ARHGAP22: variants seen among roughly 807,000 people sequenced by gnomAD.
ARHGAP22 encodes the protein rho GTPase-activating protein 22.
A neutral mutation model predicts 59.1 loss-of-function variants in ARHGAP22; 48 were observed. The ratio of observed to expected loss-of-function variants is 0.81; its 90% CI spans 0.64 to 1.03. The LOEUF is 1.03. Ranked by LOEUF, ARHGAP22 falls within the 50% of genes least tolerant of loss-of-function variation. The probability of loss-of-function intolerance (pLI) is 0.00; values close to 1 mark genes in which losing one functional copy is unlikely to be tolerated. For missense variants in ARHGAP22, 1,015 were observed against 958.7 expected, an observed-to-expected ratio of 1.06 and a Z score of -0.78; for synonymous variants, 445 against 416.4, an observed-to-expected ratio of 1.07 and a Z score of -0.84.
intron 3 of ARHGAP22, among the ~76,000 whole-genome samples, chr10:48,513,535 A>T (rs1313837650): frequency 6.6e-6 from 1 of 152,256 alleles, no homozygotes; most frequent in African/African-American, 2.4e-5. Flanking sequence ...AAGACACTTA[A>T]GTATATTTCT....
chr10:48,549,955 G>A (rs1410179431), intron 3 of ARHGAP22, among the ~76,000 whole-genome samples: 1 of 152,176 alleles, frequency 6.6e-6, no homozygotes, highest in African/African-American at 2.4e-5. Flanking sequence ...CTGCCACAGA[G>A]GACAACTTTT....
chr10:48,488,207 G>T (rs1368885865), intron 3 of ARHGAP22, among the ~76,000 whole-genome samples: 1 of 152,092 alleles, frequency 6.6e-6, no homozygotes, highest in Admixed American at 6.5e-5. Context: ...TACGTAATAG[G>T]TTTGATCTCT....
chr10:48,544,283 C>T (rs1258186485), intron 3 of ARHGAP22, among the ~76,000 whole-genome samples: 1 of 152,130 alleles, frequency 6.6e-6, no homozygotes, highest in African/African-American at 2.4e-5. Context: ...AGTTATTGGT[C>T]CAGGTTCTTT....
chr10:48,458,540 G>A (rs993923050), intron 5 of ARHGAP22, among the ~76,000 whole-genome samples: 1 of 152,194 alleles, frequency 6.6e-6, no homozygotes, highest in African/African-American at 2.4e-5. Context: ...GAGTAGGGGA[G>A]TGGCAAGGTC....
downstream of ARHGAP22, among the ~76,000 whole-genome samples, chr10:48,442,677 T>TG (rs1290449240): frequency 1.3e-5 from 2 of 152,156 alleles, no homozygotes; most frequent in Non-Finnish European, 2.9e-5. Flanking sequence ...CTCAGTCCCT[T>TG]GTCTCCTTTT....
intron 9 of ARHGAP22, 38 bp downstream of exon 9, chr10:48,450,223 C>G (rs768559253): frequency 1.3e-6 from 2 of 1,595,210 alleles, no homozygotes; most frequent in African/African-American, 2.7e-5. Context: ...CTGCAGGCTC[C>G]GCCCCGTCAC....
intron 4 of ARHGAP22, among the ~76,000 whole-genome samples, chr10:48,474,209 T>C (rs2048490319): frequency 6.6e-6 from 1 of 152,240 alleles, no homozygotes; most frequent in South Asian, 2.1e-4. Context: ...TTCTTTTGGA[T>C]GCTCCTGTAG....
At position 48,451,048 on chromosome 10, in the gene ARHGAP22, G is replaced by A. The variant is rs567487606; in HGVS notation, c.1081C>T (p.Arg361Cys). 26 of 1,552,506 alleles carry A rather than the reference G, an allele frequency of 1.7e-5. No individual in the cohort carries two copies. In the Admixed American group the frequency reaches 4.1e-4, roughly 24 times the overall value. ...CCCACTGCGCATTGCAGGCCCCCGC[G>A]CGGGGAGGTGGGCCCTTCCGGGACC... ...APVPEGPTSP[R>C]GGLQCAVGWG... Residue 361 changes from arginine to cysteine, a missense_variant, in exon 9 of 10, where the codon CGC becomes TGC. By Grantham distance (180) the Arg-to-Cys change is radical (BLOSUM62 -3). Coordinates refer to ENST00000249601, the MANE Select transcript of ARHGAP22 (RefSeq NM_021226.4).
rs551965474 is a variant in ARHGAP22 at position 48,583,075 on chromosome 10, C to G, written c.112G>C (p.Val38Leu). The G allele has an allele frequency of 1.2e-6, 2 of 1,614,160 alleles. No homozygotes were observed. Among genetic ancestry groups the G allele is most frequent in the Non-Finnish European group, 1.7e-6 (2 of 1,180,066 alleles). ...TTCTTCAGCCAGCCCGCCTTCAGCA[C>G]GGGGCCCAGCCTGTGAGGGCACGGC... ...RMPCPHRLGP[V>L]LKAGWLKKQR... The change falls in exon 2 of 10, where the codon GTG becomes CTG. Residue 38 changes from valine to leucine, a missense_variant. By Grantham distance (32) the Val-to-Leu change is conservative. Coordinates refer to ENST00000249601, the MANE Select transcript of ARHGAP22 (RefSeq NM_021226.4).
chr10:48,584,614 C>T (rs530119209), intron 1 of ARHGAP22, among the ~76,000 whole-genome samples: 4 of 152,336 alleles, frequency 2.6e-5, no homozygotes, highest in African/African-American at 4.8e-5. Context: ...AAGGAACAGA[C>T]GTAAGTCATG....
rs1354095405 is a variant in ARHGAP22, at chr10:48,492,497, A to T, written c.323-12733T>A. Among the ~76,000 whole-genome samples the T allele has an allele frequency of 2.0e-5, 3 of 152,210 alleles. No individual in the cohort carries two copies. In the East Asian group the frequency reaches 5.8e-4, roughly 29 times the overall value. ...AAACTTCAAATGTTTTAGCAGCTAC[A>T]CTCAAAAAGTAAAAAGGAACAGCTG... is the stretch of plus-strand genomic sequence containing the variant. On this transcript the variant is annotated intron_variant, in intron 3 of 9. Coordinates refer to ENST00000249601, the MANE Select transcript of ARHGAP22 (RefSeq NM_021226.4).
chr10:48,472,339 C>A (rs1210313120), intron 4 of ARHGAP22, among the ~76,000 whole-genome samples: 1 of 151,586 alleles, frequency 6.6e-6, no homozygotes, highest in Non-Finnish European at 1.5e-5. Context: ...GCCTGGCCAA[C>A]ATGGTGAAAC....
chr10:48,527,660 C>A (rs992756010), intron 3 of ARHGAP22, among the ~76,000 whole-genome samples: 1 of 152,214 alleles, frequency 6.6e-6, no homozygotes, highest in Non-Finnish European at 1.5e-5. Context: ...TGGGCTGCGA[C>A]TGGCAAAGCA....
intron 3 of ARHGAP22, chr10:48,493,333 C>G: frequency 8.5e-7 from 1 of 1,181,040 alleles, no homozygotes; most frequent in Non-Finnish European, 1.2e-6. Flanking sequence ...TTCTCTTTAC[C>G]TGGTTGCGGC....
chr10:48,452,127 C>T (rs2046031571), intron 8 of ARHGAP22, among the ~76,000 whole-genome samples: 1 of 152,222 alleles, frequency 6.6e-6, no homozygotes, highest in Admixed American at 6.5e-5. Flanking sequence ...ATGCAGCCCC[C>T]AGTCCTGGGG....
intron 8 of ARHGAP22, 53 bp from the exon 9 acceptor site, chr10:48,451,193 C>T (rs1399887791): frequency 6.5e-7 from 1 of 1,548,888 alleles, no homozygotes; most frequent in African/African-American, 1.4e-5. Flanking sequence ...TCGGCCCAGG[C>T]TCGCTCTGCC....
intron 3 of ARHGAP22, among the ~76,000 whole-genome samples, chr10:48,498,922 C>G (rs189468532): frequency 6.6e-6 from 1 of 152,172 alleles, no homozygotes; most frequent in Non-Finnish European, 1.5e-5. Context: ...ATGCAGCCAC[C>G]GAGACCCAAG....
intron 4 of ARHGAP22, among the ~76,000 whole-genome samples, chr10:48,470,679 C>A (rs2048151321): frequency 6.6e-6 from 1 of 152,208 alleles, no homozygotes; most frequent in African/African-American, 2.4e-5. Context: ...GTCTCAAGTA[C>A]CCCTTCTGCT....
chr10:48,457,004 A>G (rs1041295896), intron 5 of ARHGAP22, among the ~76,000 whole-genome samples: 8 of 151,754 alleles, frequency 5.3e-5, no homozygotes, highest in Non-Finnish European at 1.2e-4. Flanking sequence ...ATGCGGCGAC[A>G]TTAGCGCAGG....
Sources: allele counts gnomAD v4.1 joint callset (sites outside exome capture counted in the v4.1 genomes callset), GRCh38; gene constraint gnomAD v4.1.1; transcripts MANE v1.5; gene names NCBI Gene and HGNC (gene_info 2026-07-23, HGNC 2026-07-21).